Variants in ANO10 observed in about 807,000 individuals in gnomAD.
The protein encoded by ANO10 is anoctamin 10, also known as anoctamin-10.
In ANO10, 77 loss-of-function variants were observed where a neutral mutation model predicts 74.7. The observed-to-expected ratio is 1.03, with a 90% CI of 0.86 to 1.25. The LOEUF (loss-of-function observed/expected upper bound fraction) is 1.25. Among genes scored for constraint, ANO10 ranks in the 50% most tolerant of loss-of-function variants. The pLI is 0.00. For synonymous variants in ANO10, 279 were observed against 284.9 expected, an observed-to-expected ratio of 0.98 and a Z score of 0.21; for missense variants, 721 against 778.1, an observed-to-expected ratio of 0.93 and a Z score of 0.87.
intron 1 of ANO10, among the ~76,000 whole-genome samples, chr3:43,644,581 G>A (rs1248585251): frequency 2.0e-5 from 3 of 152,202 alleles, no homozygotes; most frequent in Non-Finnish European, 2.9e-5. Flanking sequence ...TCACCTCTGT[G>A]GATGACATCA....
At chr3:43,558,124 A>G (rs1476849046) in intron 9 of ANO10, among the ~76,000 whole-genome samples, 1 of 152,084 alleles carries the variant, frequency 6.6e-6, no homozygotes, top group East Asian at 1.9e-4. Flanking sequence ...AAAAAAAAAA[A>G]AAAGCTGAGA....
chr3:43,578,211 A>T (rs946709764), intron 5 of ANO10, among the ~76,000 whole-genome samples: 1 of 152,210 alleles, frequency 6.6e-6, no homozygotes, highest in Non-Finnish European at 1.5e-5. Context: ...AAATGAAAAC[A>T]GTAGGTATGA....
intron 11 of ANO10, among the ~76,000 whole-genome samples, chr3:43,542,073 G>GTT (rs2078981790): frequency 6.6e-6 from 1 of 152,150 alleles, no homozygotes. Flanking sequence ...AAGCCAGAAG[G>GTT]CTTTCCTTCT....
intron 4 of ANO10, among the ~76,000 whole-genome samples, chr3:43,590,080 T>C (rs1192322113): frequency 6.6e-6 from 1 of 152,186 alleles, no homozygotes; most frequent in African/African-American, 2.4e-5. Flanking sequence ...ACATGTATTA[T>C]TTTTTAAATT....
intron 11 of ANO10, chr3:43,485,140 G>C (rs1158266019): frequency 2.5e-6 from 2 of 802,766 alleles, no homozygotes; most frequent in South Asian, 1.4e-5. Context: ...GGAGTGATCT[G>C]GATGGAGTGG....
intron 11 of ANO10, among the ~76,000 whole-genome samples, chr3:43,546,353 C>T (rs752598012): frequency 3.3e-5 from 5 of 152,082 alleles, no homozygotes; most frequent in Non-Finnish European, 5.9e-5. Flanking sequence ...GATTTCAAAA[C>T]ATACTACAAA....
intron 10 of ANO10, among the ~76,000 whole-genome samples, chr3:43,552,249 C>G (rs1016895158): frequency 2.0e-5 from 3 of 152,138 alleles, no homozygotes; most frequent in Non-Finnish European, 2.9e-5. Flanking sequence ...GGAAAAGAAT[C>G]AGACAGTGTA....
At position 43,565,685 on chromosome 3, in the gene ANO10, A is replaced by T; in HGVS notation, c.1261T>A (p.Phe421Ile). ...NCFASLFYIA[F>I]VLKDMKLLRQ... Reference sequence around the variant, plus strand: ...AAAAGCTTCATATCTTTCAAGACAAAGGCAATATAGAAGAGTGAGGCAAAG... The same window carrying T: ...AAAAGCTTCATATCTTTCAAGACAATGGCAATATAGAAGAGTGAGGCAAAG... Residue 421 changes from phenylalanine (F) to isoleucine (I), a missense_variant, in exon 8 of 13, where the codon TTT (phenylalanine) becomes ATT (isoleucine). Phe to Ile is a conservative substitution (Grantham distance 21). Coordinates refer to ENST00000292246, the MANE Select transcript of ANO10 (RefSeq NM_018075.5). 1 of 1,579,764 alleles carries T rather than the reference A, an allele frequency of 6.3e-7. No individual in the cohort carries two copies. Among genetic ancestry groups the T allele is most frequent in the Non-Finnish European group, 8.6e-7 (1 of 1,161,808 alleles).
intron 11 of ANO10, among the ~76,000 whole-genome samples, chr3:43,444,399 T>C (rs1445136256): frequency 6.6e-6 from 1 of 152,204 alleles, no homozygotes; most frequent in African/African-American, 2.4e-5. Flanking sequence ...TATGTGTGAT[T>C]TGGAGCTTGC....
intron 12 of ANO10, among the ~76,000 whole-genome samples, chr3:43,401,037 G>A (rs1473582587): frequency 1.3e-5 from 2 of 152,148 alleles, no homozygotes; most frequent in Non-Finnish European, 2.9e-5. Context: ...GTATACATGT[G>A]TATGTATTTC....
In ANO10 at chr3:43,598,556, T is replaced by C; in HGVS notation, c.448A>G (p.Lys150Glu). The C allele has an allele frequency of 6.2e-7, 1 of 1,613,238 alleles. No individual in the cohort carries two copies. The highest frequency in any genetic ancestry group is 8.5e-7 in the Non-Finnish European group (1 of 1,179,688). ...CACAATGATTTTCCTGGATACAACT[T>C]TGCCTGAGGGTAACCAGGGATCATT... Reference protein sequence around the residue: ...EKMIPGYPQAKLYPGKSLLRR... With the variant: ...EKMIPGYPQAELYPGKSLLRR... Residue 150 changes from lysine to glutamate, a missense_variant, in exon 4 of 13, where the codon AAG becomes GAG. Physicochemically the swap from Lys to Glu is moderately conservative, Grantham distance 56. Coordinates refer to ENST00000292246, the MANE Select transcript of ANO10 (RefSeq NM_018075.5).
chr3:43,464,240 C>T (rs780634142), intron 11 of ANO10, among the ~76,000 whole-genome samples: 2 of 152,094 alleles, frequency 1.3e-5, no homozygotes, highest in Non-Finnish European at 2.9e-5. Flanking sequence ...TATTCTGATA[C>T]CAAAACCTGA....
chr3:43,531,542 T>TA (rs777620449), intron 11 of ANO10, among the ~76,000 whole-genome samples: 47 of 152,140 alleles, frequency 3.1e-4, no homozygotes, highest in Non-Finnish European at 5.6e-4. Flanking sequence ...AATAAATATA[T>TA]AGGTCTCTAA....
chr3:43,477,586 C>A (rs565614802), intron 11 of ANO10, among the ~76,000 whole-genome samples: 1 of 152,308 alleles, frequency 6.6e-6, no homozygotes, highest in African/African-American at 2.4e-5. Context: ...ATCTAAAACT[C>A]GTAATGCTTC....
intron 11 of ANO10, among the ~76,000 whole-genome samples, chr3:43,506,548 C>T (rs1221430332): frequency 6.6e-6 from 1 of 152,170 alleles, no homozygotes; most frequent in African/African-American, 2.4e-5. Flanking sequence ...CAGAGTTAAG[C>T]CAAATGACCT....
chr3:43,590,414 T>TA (rs1242741846), intron 4 of ANO10, among the ~76,000 whole-genome samples: 2 of 152,128 alleles, frequency 1.3e-5, no homozygotes, highest in Non-Finnish European at 2.9e-5. Context: ...GGAAGGAAGT[T>TA]AGAGAGTTAG....
At chr3:43,451,650 T>C (rs2074881273) in intron 11 of ANO10, among the ~76,000 whole-genome samples, 1 of 152,166 alleles carries the variant, frequency 6.6e-6, no homozygotes, top group Admixed American at 6.6e-5. Flanking sequence ...TAGGAGGATT[T>C]GCAAAAGAAA....
intron 1 of ANO10, among the ~76,000 whole-genome samples, chr3:43,652,126 T>C (rs1274648998): frequency 1.3e-5 from 2 of 152,034 alleles, no homozygotes; most frequent in Non-Finnish European, 2.9e-5. Flanking sequence ...CTTTTTTTTT[T>C]TTCAGAAATT....
At chr3:43,678,320 C>A (rs906698181) in intron 1 of ANO10, among the ~76,000 whole-genome samples, 4 of 152,094 alleles carry the variant, frequency 2.6e-5, no homozygotes, top group African/African-American at 9.7e-5. Context: ...AGGGAAGAGA[C>A]CACCCCTCAT....
Sources: allele counts gnomAD v4.1 joint callset (sites outside exome capture counted in the v4.1 genomes callset), GRCh38; gene constraint gnomAD v4.1.1; transcripts MANE v1.5; gene names NCBI Gene and HGNC (gene_info 2026-07-23, HGNC 2026-07-21).